The following ARHGAP21 variants were observed in gnomAD, a reference collection of about 807,000 sequenced individuals.
ARHGAP21 encodes the protein rho GTPase-activating protein 21.
In ARHGAP21, 38 loss-of-function variants were observed where a neutral mutation model predicts 164.6. The observed-to-expected ratio is 0.23, with a 90% CI of 0.18 to 0.30. The LOEUF (loss-of-function observed/expected upper bound fraction) is 0.30, where lower values mean the gene tolerates loss of function less well. Ranked by LOEUF, ARHGAP21 falls within the 10% of genes least tolerant of loss-of-function variation. The pLI is 1.00. For missense variants in ARHGAP21, 1,822 were observed against 2,370.7 expected, an observed-to-expected ratio of 0.77 and a Z score of 4.81; for synonymous variants, 766 against 857.9, an observed-to-expected ratio of 0.89 and a Z score of 1.87.
chr10:24,641,751 T>C (rs2131436097), intron 4 of ARHGAP21, among the ~76,000 whole-genome samples: 1 of 152,256 alleles, frequency 6.6e-6, no homozygotes, highest in Admixed American at 6.5e-5. Flanking sequence ...ATCCCAGCAC[T>C]TTGGGAGGCA....
chr10:24,602,733 C>T (rs2076865752), intron 12 of ARHGAP21, among the ~76,000 whole-genome samples: 1 of 152,106 alleles, frequency 6.6e-6, no homozygotes, highest in African/African-American at 2.4e-5. Flanking sequence ...TCTGAGTACT[C>T]TGTCAAGAGT....
At chr10:24,723,518 G>T (rs1224359968) in intron 1 of ARHGAP21, 44 bp downstream of exon 1, 1 of 147,394 alleles carries the variant, frequency 6.8e-6, no homozygotes, top group Non-Finnish European at 1.5e-5. Flanking sequence ...GCCCGCGAGC[G>T]CAGCGCCCTC....
chr10:24,713,255 T>A (rs1845015830), intron 2 of ARHGAP21, among the ~76,000 whole-genome samples: 1 of 152,296 alleles, frequency 6.6e-6, no homozygotes, highest in South Asian at 2.1e-4. Context: ...TTATAAACAG[T>A]GCTGCATACA....
chr10:24,679,576 C>T (rs115173949), intron 2 of ARHGAP21, among the ~76,000 whole-genome samples: 1 of 152,326 alleles, frequency 6.6e-6, no homozygotes, highest in African/African-American at 2.4e-5. Flanking sequence ...TACATGCCCA[C>T]CAGCAGTGTA....
chr10:24,646,659 T>C (rs1010994115), intron 4 of ARHGAP21, among the ~76,000 whole-genome samples: 32 of 152,146 alleles, frequency 2.1e-4, no homozygotes, highest in African/African-American at 7.7e-4. Flanking sequence ...CTTGTAATCC[T>C]AGCACTTTGG....
intron 4 of ARHGAP21, among the ~76,000 whole-genome samples, chr10:24,659,799 CA>C (rs1286693676): frequency 6.6e-6 from 1 of 152,236 alleles, no homozygotes; most frequent in Non-Finnish European, 1.5e-5. Flanking sequence ...CCACTATACC[CA>C]TCCAAGAGTA....
At chr10:24,600,989 A>G in intron 13 of ARHGAP21, 59 bp from the exon 14 acceptor site, 2 of 1,564,220 alleles carry the variant, frequency 1.3e-6, no homozygotes, top group Non-Finnish European at 1.7e-6. Flanking sequence ...TTGTGACAGG[A>G]TAAGCACATT....
At chr10:24,595,432 G>A (rs902113428) in intron 19 of ARHGAP21, among the ~76,000 whole-genome samples, 3 of 152,006 alleles carry the variant, frequency 2.0e-5, no homozygotes, top group Non-Finnish European at 4.4e-5. Context: ...TAAATACTTG[G>A]CTTGACTGAA....
chr10:24,670,305 C>T lies in ARHGAP21; in HGVS notation c.156G>A (p.Thr52=), dbSNP rs371441582. 39 of 1,608,546 alleles carry T rather than the reference C, an allele frequency of 2.4e-5. No homozygotes were observed. The highest frequency in any genetic ancestry group is 8.4e-5 in the Admixed American group (5 of 59,752). ...CAAAGCCTTGAGATGTTCTTTTCAACGTAACTGTTTTGGGACCTGGCCAGG... is the reference window on the plus strand; with the variant it reads ...CAAAGCCTTGAGATGTTCTTTTCAATGTAACTGTTTTGGGACCTGGCCAGG... ...TFSWPGPKTV[T]LKRTSQGFGF... The change falls in exon 3 of 26, where the codon ACG becomes ACA. Residue 52 remains threonine (T), a synonymous_variant. Transcript: ENST00000396432.
At chr10:24,600,131 T>TTAAAAAAA (rs2076751637) in intron 14 of ARHGAP21, among the ~76,000 whole-genome samples, 1 of 30,306 alleles carries the variant, frequency 3.3e-5, no homozygotes. Context: ...GGACTTCGTT[T>TTAAAAAAA]CAAAAAAAAA....
In ARHGAP21 at chr10:24,657,317, G is replaced by A. The variant is rs1177521409; in HGVS notation, c.268+9668C>T. On this transcript the variant is annotated intron_variant, in intron 4 of 25. Transcript: ENST00000396432. ...AGGTGGGGGGGGGGTCAGCCCCCTC[G>A]CCCGGCCAGCCGCCCCGTCCGGGAG... 7.7e-5 allele frequency among the ~76,000 whole-genome samples: 3 copies of A among 39,086 alleles called. 1 individual carries two copies. The highest frequency in any genetic ancestry group is 1.9e-4 in the African/African-American group (1 of 5,228). The allele number at this position is 39,086 out of a possible 152,430, so 25.6% of individuals were successfully genotyped here.
chr10:24,586,940 C>T (rs1440636503), intron 25 of ARHGAP21, among the ~76,000 whole-genome samples: 4 of 152,010 alleles, frequency 2.6e-5, no homozygotes, highest in East Asian at 3.9e-4. Flanking sequence ...CTTGGGAGGC[C>T]GAGGTCAGAG....
intron 2 of ARHGAP21, among the ~76,000 whole-genome samples, chr10:24,682,520 G>A (rs1430674817): frequency 2.6e-5 from 4 of 151,976 alleles, no homozygotes; most frequent in Non-Finnish European, 5.9e-5. Context: ...TCTTTGACAG[G>A]GTATTTCTCT....
rs1158275344 is a variant in ARHGAP21 at position 24,602,061 on chromosome 10, T to C, written c.2764A>G (p.Lys922Glu). 6.2e-7 allele frequency: 1 copy of C among 1,613,190 alleles called. No individual in the cohort carries two copies. The highest frequency in any genetic ancestry group is 2.2e-5 in the East Asian group (1 of 44,884). ...CTGAAGACCTCTGAGGAAGAATCTT[T>C]TCTGGACCCAGAGTCTTCTGATGAC... ...QKSSEDSGSR[K>E]DSSSEVFSDA... is the part of the protein sequence containing the mutation. The change falls in exon 13 of 26, where the codon AAA becomes GAA. Residue 922 changes from lysine to glutamate, a missense_variant. By Grantham distance (56) the Lys-to-Glu change is moderately conservative. This residue lies in a region of ARHGAP21 where 1,090 missense variants were observed against 1,378.9 expected (regional missense o/e 0.79). Coordinates refer to ENST00000396432, the MANE Select transcript of ARHGAP21 (RefSeq NM_020824.4).
intron 9 of ARHGAP21, among the ~76,000 whole-genome samples, chr10:24,609,120 T>G (rs138655835): frequency 8.5e-5 from 13 of 152,350 alleles, no homozygotes; most frequent in Non-Finnish European, 1.6e-4. Context: ...AGGAATACAC[T>G]GTATTCTTCA....
chr10:24,628,906 C>CACATACAT (rs1565053875), intron 7 of ARHGAP21: 1 of 62,310 alleles, frequency 1.6e-5, no homozygotes, highest in East Asian at 4.3e-4. Context: ...TACATATATA[C>CACATACAT]ACATATATAC....
intron 6 of ARHGAP21, 121 bp from the exon 7 acceptor site, chr10:24,630,171 A>G (rs938468962): frequency 2.0e-5 from 10 of 504,656 alleles, no homozygotes; most frequent in South Asian, 1.9e-4. Flanking sequence ...TGGTTTTCTT[A>G]TATCTTAATT....
rs1184762242 is a variant in ARHGAP21 at position 24,583,619 on chromosome 10, C to A, written c.*793G>T. ...AAGTTTCAAGCCATGCAAAATTCAC[C>A]AAAACAATTTTTATTTCCAGTGTTT... On this transcript the variant is annotated 3_prime_UTR_variant, in exon 26 of 26. Coordinates refer to ENST00000396432, the MANE Select transcript of ARHGAP21 (RefSeq NM_020824.4). 1 of 152,538 alleles carries A rather than the reference C, an allele frequency of 6.6e-6. No homozygotes were observed. The allele number at this position is 152,538 out of a possible 1,614,324, so 9.4% of individuals were successfully genotyped here.
intron 2 of ARHGAP21, among the ~76,000 whole-genome samples, chr10:24,679,192 G>C (rs779851451): frequency 6.6e-6 from 1 of 152,178 alleles, no homozygotes; most frequent in East Asian, 1.9e-4. Context: ...AAATATCATA[G>C]GCTAGGTTGC....
Sources: allele counts gnomAD v4.1 joint callset (sites outside exome capture counted in the v4.1 genomes callset), GRCh38; gene constraint gnomAD v4.1.1; regional missense constraint gnomAD v4.1.1; transcripts MANE v1.5; gene names NCBI Gene and HGNC (gene_info 2026-07-23, HGNC 2026-07-21).